Variants in MED15 observed in about 807,000 individuals in gnomAD.
MED15 encodes mediator complex subunit 15.
MED15 carries 41 observed loss-of-function variants against 118.7 expected under a neutral mutation model. The observed-to-expected ratio is 0.35, with a 90% confidence interval of 0.27 to 0.45. MED15 has a LOEUF of 0.45. Among genes scored for constraint, MED15 ranks in the 20% least tolerant of loss-of-function variants. The pLI, the probability that MED15 is intolerant of heterozygous loss-of-function variation, is 1.00. For synonymous variants in MED15, 436 were observed against 413.9 expected, an observed-to-expected ratio of 1.05 and a Z score of -0.65; for missense variants, 740 against 1,025.5, an observed-to-expected ratio of 0.72 and a Z score of 3.80.
At chr22:20,584,053 T>G (rs1305821683) in intron 13 of MED15, 3 of 412,770 alleles carry the variant, frequency 7.3e-6, no homozygotes, top group East Asian at 4.6e-5. Flanking sequence ...TGATCCTTTG[T>G]TAGGGTTATA....
chr22:20,519,028 ATTTT>A, intron 1 of MED15: 1 of 349,616 alleles, frequency 2.9e-6, no homozygotes, highest in South Asian at 2.1e-5. Flanking sequence ...AATTTGTGTA[ATTTT>A]TTGTAGAGTA....
chr22:20,534,515 T>A (rs890049992), intron 1 of MED15, among the ~76,000 whole-genome samples: 1 of 151,858 alleles, frequency 6.6e-6, no homozygotes, highest in African/African-American at 2.4e-5. Flanking sequence ...AGTGAGACAT[T>A]GTCTCAAAAA....
At chr22:20,579,805 C>CTGG (rs781003723) in intron 9 of MED15, among the ~76,000 whole-genome samples, 1 of 152,090 alleles carries the variant, frequency 6.6e-6, no homozygotes, top group Non-Finnish European at 1.5e-5. Flanking sequence ...TCACTTCCCT[C>CTGG]TGAGCTCCCT....
intron 8 of MED15, among the ~76,000 whole-genome samples, chr22:20,571,719 G>T (rs575503192): frequency 1.5e-4 from 23 of 152,316 alleles, no homozygotes; most frequent in African/African-American, 5.5e-4. Context: ...GCCCTCTGAG[G>T]GGCCATCTGG....
At chr22:20,568,041 G>A (rs1427493514) in intron 7 of MED15, among the ~76,000 whole-genome samples, 4 of 152,194 alleles carry the variant, frequency 2.6e-5, no homozygotes, top group African/African-American at 7.2e-5. Context: ...GGGTTTGGCC[G>A]TGTTGCCCAG....
intron 1 of MED15, among the ~76,000 whole-genome samples, chr22:20,525,755 C>T (rs2054621319): frequency 6.6e-6 from 1 of 151,582 alleles, no homozygotes; most frequent in African/African-American, 2.4e-5. Flanking sequence ...AGGGTGGTCT[C>T]AAACTCCCCA....
intron 2 of MED15, among the ~76,000 whole-genome samples, chr22:20,543,131 G>A (rs74633442): frequency 1.5e-4 from 4 of 26,072 alleles, no homozygotes; most frequent in African/African-American, 5.1e-4. Flanking sequence ...GTGTGTGTGT[G>A]TGTGTGTGTG....
At chr22:20,518,716 T>G (rs1473854153) in intron 1 of MED15, among the ~76,000 whole-genome samples, 3 of 152,234 alleles carry the variant, frequency 2.0e-5, no homozygotes, top group Non-Finnish European at 4.4e-5. Context: ...TATGTAGGGT[T>G]GTGGAAAGCA....
At chr22:20,536,802 G>A (rs2055096938) in intron 1 of MED15, among the ~76,000 whole-genome samples, 1 of 152,224 alleles carries the variant, frequency 6.6e-6, no homozygotes, top group South Asian at 2.1e-4. Flanking sequence ...GTACTTCCTT[G>A]ATCCTGAACT....
At chr22:20,557,637 C>T (rs2056070792) in intron 5 of MED15, among the ~76,000 whole-genome samples, 1 of 152,120 alleles carries the variant, frequency 6.6e-6, no homozygotes, top group African/African-American at 2.4e-5. Flanking sequence ...GTTTAGAATG[C>T]TCACATGAGT....
chr22:20,553,969 A>G (rs2146527560), intron 4 of MED15, among the ~76,000 whole-genome samples: 1 of 152,350 alleles, frequency 6.6e-6, no homozygotes, highest in East Asian at 1.9e-4. Flanking sequence ...CTAAGCTGCA[A>G]GGGAAGGGGT....
At chr22:20,535,872 CTTTTTTTT>C (rs536712415) in intron 1 of MED15, among the ~76,000 whole-genome samples, 3 of 98,692 alleles carry the variant, frequency 3.0e-5, no homozygotes, top group Admixed American at 1.2e-4. Flanking sequence ...TTCTTTCTTT[CTTTTTTTT>C]TTTTTTTTTT....
chr22:20,557,560 G>A (rs950581116), intron 5 of MED15, among the ~76,000 whole-genome samples: 2 of 152,040 alleles, frequency 1.3e-5, no homozygotes, highest in African/African-American at 4.8e-5. Context: ...CTACTCTTGT[G>A]TACTTGGTGC....
chr22:20,553,055 C>T, intron 3 of MED15, 90 bp from the exon 4 acceptor site: 1 of 1,265,886 alleles, frequency 7.9e-7, no homozygotes, highest in Non-Finnish European at 1.1e-6. Context: ...AAGGCTTGGG[C>T]AAATGCCTAC....
In MED15 at chr22:20,564,480, A is replaced by T; in HGVS notation, c.482A>T (p.Gln161Leu). The T allele has an allele frequency of 6.2e-7, 1 of 1,603,752 alleles. No homozygotes were observed. Among genetic ancestry groups the T allele is most frequent in the Non-Finnish European group, 8.5e-7 (1 of 1,171,388 alleles). The part of the protein sequence containing the change: ...TQLQLQQVAL[Q>L]QQQQQQQFQQ... ...CTGCAGCTCCAGCAGGTGGCGCTGC[A>T]GCAGCAGCAGCAACAGCAGCAGTTC... Residue 161 changes from glutamine to leucine, a missense_variant, in exon 6 of 18, where the codon CAG (glutamine) becomes CTG (leucine). Gln to Leu is a moderately radical substitution (Grantham distance 113, BLOSUM62 -2). Coordinates refer to ENST00000263205, the MANE Select transcript of MED15 (RefSeq NM_001003891.3).
intron 5 of MED15, among the ~76,000 whole-genome samples, chr22:20,555,595 T>G (rs1477013166): frequency 6.6e-6 from 1 of 152,246 alleles, no homozygotes; most frequent in African/African-American, 2.4e-5. Context: ...ATCTTCTGGC[T>G]TCCTTTCTGT....
intron 5 of MED15, among the ~76,000 whole-genome samples, chr22:20,562,804 G>A (rs2056295209): frequency 6.6e-6 from 1 of 152,142 alleles, no homozygotes; most frequent in Non-Finnish European, 1.5e-5. Context: ...TTGTGAGGTC[G>A]AGGCAGGAGG....
At position 20,566,486 on chromosome 22, in the gene MED15, A is replaced by T; in HGVS notation, c.710A>T (p.Gln237Leu). ...NQQQIQQQQQ[Q>L]LQRIAQLQLQ... ...CTCTAGATACAGCAGCAGCAACAGC[A>T]GCTGCAGCGAATAGCACAGCTGCAG... The change falls in exon 7 of 18, where the codon CAG becomes CTG. Residue 237 changes from glutamine to leucine, a missense_variant. Physicochemically the swap from Gln to Leu is moderately radical, Grantham distance 113. Coordinates refer to ENST00000263205, the MANE Select transcript of MED15 (RefSeq NM_001003891.3). The T allele has an allele frequency of 6.2e-7, 1 of 1,610,750 alleles. No homozygotes were observed. Among genetic ancestry groups the T allele is most frequent in the South Asian group, 1.1e-5 (1 of 90,958 alleles).
intron 8 of MED15, among the ~76,000 whole-genome samples, chr22:20,570,234 A>G (rs933538192): frequency 3.9e-5 from 6 of 152,114 alleles, no homozygotes; most frequent in Admixed American, 3.3e-4. Flanking sequence ...CATGTTGGCC[A>G]GGATGGTCTC....
Sources: gnomAD v4.1 joint callset for allele counts (sites outside exome capture counted in the v4.1 genomes callset) on GRCh38, gnomAD v4.1.1 for gene constraint, MANE v1.5 for transcripts, NCBI Gene and HGNC (gene_info 2026-07-23, HGNC 2026-07-21) for gene names.